The following RGS6 variants were observed in gnomAD, a reference collection of about 807,000 sequenced individuals.
RGS6 encodes the protein regulator of G protein signaling 6, also known as regulator of G-protein signaling 6.
A neutral mutation model predicts 78.5 loss-of-function variants in RGS6; 30 were observed. That is an observed-to-expected ratio of 0.38 (90% CI 0.29 to 0.52). The LOEUF (loss-of-function observed/expected upper bound fraction) is 0.52, where lower values mean the gene tolerates loss of function less well. Among genes scored for constraint, RGS6 ranks in the 20% least tolerant of loss-of-function variants. The pLI, the probability that RGS6 is intolerant of heterozygous loss-of-function variation, is 0.85. For missense variants in RGS6, 495 were observed against 609.7 expected, an observed-to-expected ratio of 0.81 and a Z score of 1.98; for synonymous variants, 206 against 206.0, an observed-to-expected ratio of 1.00 and a Z score of 0.00.
chr14:72,506,466 C>A (rs756608247), intron 13 of RGS6, among the ~76,000 whole-genome samples: 2 of 152,154 alleles, frequency 1.3e-5, no homozygotes, highest in Non-Finnish European at 2.9e-5. Flanking sequence ...CCATAAGAGA[C>A]CATTCAGTGG....
At chr14:72,585,995 A>G in the RGS6 span, among the ~76,000 whole-genome samples, 127,041 of 152,204 alleles carry the variant, frequency 0.83, 53,192 homozygotes, top group East Asian at 0.92. Flanking sequence ...GTACTCTACC[A>G]TTTAAAACTC....
intron 2 of RGS6, among the ~76,000 whole-genome samples, chr14:72,129,825 C>T (rs759830577): frequency 6.6e-6 from 1 of 152,124 alleles, no homozygotes; most frequent in African/African-American, 2.4e-5. Context: ...GGGGGCCAGA[C>T]CAGATTCAAA....
chr14:72,086,348 C>G (rs1217347759), intron 2 of RGS6, among the ~76,000 whole-genome samples: 1 of 152,230 alleles, frequency 6.6e-6, no homozygotes, highest in African/African-American at 2.4e-5. Flanking sequence ...GAATTTATGA[C>G]ACCCTGGTTG....
chr14:72,526,736 C>T (rs940161572), intron 15 of RGS6, among the ~76,000 whole-genome samples: 5 of 150,940 alleles, frequency 3.3e-5, no homozygotes, highest in African/African-American at 1.2e-4. Flanking sequence ...TCCAAAGATA[C>T]ATCCAGAAGG....
At chr14:71,869,307 A>G in the RGS6 span, among the ~76,000 whole-genome samples, 18 of 152,194 alleles carry the variant, frequency 1.2e-4, no homozygotes, top group Non-Finnish European at 1.2e-4. Context: ...TCTTATCTGC[A>G]TTATACCAAC....
At chr14:72,560,188 A>C (rs2097651888) in intron 17 of RGS6, among the ~76,000 whole-genome samples, 1 of 152,156 alleles carries the variant, frequency 6.6e-6, no homozygotes. Flanking sequence ...ATTTGGGTAC[A>C]TAATGTGTGA....
intron 2 of RGS6, among the ~76,000 whole-genome samples, chr14:72,054,410 T>C (rs2072245): frequency 0.51 from 77,565 of 152,052 alleles, 20,249 homozygotes; most frequent in East Asian, 0.8. Flanking sequence ...TTGAGATTCT[T>C]GCTTCTAAAA....
intron 2 of RGS6, among the ~76,000 whole-genome samples, chr14:72,114,059 C>T (rs1318061049): frequency 6.6e-6 from 1 of 152,116 alleles, no homozygotes; most frequent in East Asian, 1.9e-4. Context: ...CAGAGATAAT[C>T]AGGTCTGAGG....
chr14:72,162,221 T>C (rs1357435784), intron 2 of RGS6, among the ~76,000 whole-genome samples: 1 of 152,160 alleles, frequency 6.6e-6, no homozygotes, highest in East Asian at 1.9e-4. Context: ...AAAGAAATGA[T>C]TGCTCTTTTA....
At chr14:72,390,599 A>C (rs182045574) in intron 3 of RGS6, among the ~76,000 whole-genome samples, 115 of 152,306 alleles carry the variant, frequency 7.6e-4, no homozygotes, top group African/African-American at 2.6e-3. Flanking sequence ...ACACACACAC[A>C]AATGTTATCC....
At chr14:72,320,562 A>C (rs1336698159) in intron 2 of RGS6, among the ~76,000 whole-genome samples, 1 of 152,182 alleles carries the variant, frequency 6.6e-6, no homozygotes, top group African/African-American at 2.4e-5. Flanking sequence ...TGGGCAATAG[A>C]GCAAGACTCT....
downstream of RGS6, among the ~76,000 whole-genome samples, chr14:72,570,639 T>C (rs976438795): frequency 1.2e-4 from 18 of 152,134 alleles, no homozygotes; most frequent in Admixed American, 1.0e-3. Context: ...TTAGCACAGA[T>C]TTAGAAAAGT....
intron 2 of RGS6, among the ~76,000 whole-genome samples, chr14:72,295,352 C>T (rs1417233664): frequency 6.6e-6 from 1 of 151,838 alleles, no homozygotes; most frequent in Non-Finnish European, 1.5e-5. Flanking sequence ...CCAGTATACG[C>T]AACTGTGAAA....
chr14:72,154,957 G>A (rs17108273), intron 2 of RGS6, among the ~76,000 whole-genome samples: 1,656 of 152,320 alleles, frequency 0.011, 39 homozygotes, highest in Admixed American at 0.061. Context: ...ATTTAGGAGC[G>A]GGCGGTAATG....
intron 2 of RGS6, among the ~76,000 whole-genome samples, chr14:72,292,391 G>A (rs374724634): frequency 5.3e-4 from 81 of 152,300 alleles, no homozygotes; most frequent in Middle Eastern, 3.4e-3. Flanking sequence ...AGGAGACTCT[G>A]GCTGGACAGG....
chr14:72,036,128 T>A (rs2091659537), intron 2 of RGS6, among the ~76,000 whole-genome samples: 1 of 152,008 alleles, frequency 6.6e-6, no homozygotes, highest in Admixed American at 6.6e-5. Context: ...CTACCGTATA[T>A]AATCTTTTGA....
At chr14:72,580,652 A>G in the RGS6 span, among the ~76,000 whole-genome samples, 1 of 152,370 alleles carries the variant, frequency 6.6e-6, no homozygotes, top group South Asian at 2.1e-4. Context: ...TCAGGCTATT[A>G]GCCAAATGCA....
chr14:72,540,216 T>C lies in RGS6; in HGVS notation c.1422+122T>C, dbSNP rs765278571. The C allele has an allele frequency of 4.6e-6, 7 of 1,512,344 alleles. No individual in the cohort carries two copies. The South Asian group carries it at 8.6e-5, about 19-fold the overall frequency. The allele number at this position is 1,512,344 out of a possible 1,614,324, so 93.7% of individuals were successfully genotyped here. On this transcript the variant is annotated intron_variant, in intron 17 of 17. Transcript: ENST00000553525. ...TTTGGGGTGGGAGGGAGTCCAGTGC[T>C]TTCTCCCTCGACTCAGCCCTTTTCT...
chr14:72,410,476 T>G (rs756767497), intron 3 of RGS6, among the ~76,000 whole-genome samples: 5 of 152,226 alleles, frequency 3.3e-5, no homozygotes, highest in Non-Finnish European at 7.3e-5. Flanking sequence ...TAGCCCTTTG[T>G]CAGATGAATA....
Sources: allele counts gnomAD v4.1 joint callset (sites outside exome capture counted in the v4.1 genomes callset), GRCh38; gene constraint gnomAD v4.1.1; transcripts MANE v1.5; gene names NCBI Gene and HGNC (gene_info 2026-07-23, HGNC 2026-07-21).